RFX2: variants seen among roughly 807,000 people sequenced by gnomAD.
The protein encoded by RFX2 is regulatory factor X2, also known as DNA-binding protein RFX2.
RFX2 carries 20 observed loss-of-function variants against 87.8 expected under a neutral mutation model. The observed-to-expected ratio is 0.23, with a 90% confidence interval of 0.16 to 0.33. The LOEUF is 0.33. RFX2 is among the 10% of genes least tolerant of loss of function. The probability of loss-of-function intolerance (pLI) is 1.00; values close to 1 mark genes in which losing one functional copy is unlikely to be tolerated. For missense variants in RFX2, 767 were observed against 1,012.3 expected, an observed-to-expected ratio of 0.76 and a Z score of 3.29; for synonymous variants, 397 against 431.3, an observed-to-expected ratio of 0.92 and a Z score of 0.98.
chr19:6,054,269 C>T (rs558066028), intron 1 of RFX2, among the ~76,000 whole-genome samples: 1 of 152,222 alleles, frequency 6.6e-6, no homozygotes, highest in South Asian at 2.1e-4. Context: ...AACTTCCCTA[C>T]ACAGAAAACT....
At chr19:6,008,980 C>T (rs529293423) in intron 9 of RFX2, among the ~76,000 whole-genome samples, 20 of 152,234 alleles carry the variant, frequency 1.3e-4, no homozygotes, top group African/African-American at 4.8e-4. Flanking sequence ...GTGCCCAGTA[C>T]AGTCAGGGAA....
intron 1 of RFX2, among the ~76,000 whole-genome samples, chr19:6,085,355 G>A (rs1417869723): frequency 6.6e-6 from 1 of 152,194 alleles, no homozygotes; most frequent in African/African-American, 2.4e-5. Context: ...GTTTTGATTT[G>A]CATTTCTGCA....
At position 6,024,669 on chromosome 19, in the gene RFX2, C is replaced by T. The variant is rs149440105; in HGVS notation, c.597+1494G>A. Among the ~76,000 whole-genome samples the T allele has an allele frequency of 1.5e-3, 224 of 152,270 alleles. 1 individual carries two copies. The highest frequency in any genetic ancestry group is 2.7e-3 in the Non-Finnish European group (183 of 68,028). ...AGAATCACTCACTGCCTTTTGATAA[C>T]GCCTCATTTTACACATCGGCCAGCA... On this transcript the variant is annotated intron_variant, in intron 6 of 17. Coordinates refer to ENST00000303657, the MANE Select transcript of RFX2 (RefSeq NM_000635.4). This position sits in a 1 kb window ranked among gnomAD's most constrained non-coding sequence, Gnocchi z 5.0.
chr19:6,040,296 C>T lies in RFX2; in HGVS notation c.261-55G>A. On this transcript the variant is annotated intron_variant, in intron 4 of 17. Transcript: ENST00000303657. The surrounding 1 kb of genome is among the most constrained non-coding windows in gnomAD (Gnocchi z 6.1). ...ACGCTGTCCCATTTAAATGCCTTGT[C>T]TGAGTTCACAGATATCCAGCCAAAC... The T allele has an allele frequency of 1.4e-6, 2 of 1,474,682 alleles. No homozygotes were observed. Among genetic ancestry groups the T allele is most frequent in the Non-Finnish European group, 1.8e-6 (2 of 1,105,518 alleles). The allele number at this position is 1,474,682 out of a possible 1,614,324, so 91.3% of individuals were successfully genotyped here.
intron 1 of RFX2, among the ~76,000 whole-genome samples, chr19:6,096,895 G>A (rs902582902): frequency 2.0e-5 from 3 of 152,152 alleles, no homozygotes; most frequent in Non-Finnish European, 2.9e-5. Context: ...ATTGTTGAGG[G>A]CAGCTGGAAG....
At position 6,011,862 on chromosome 19, in the gene RFX2, GC is replaced by G. The variant is rs575435613; in HGVS notation, c.899+1123del. 1.8e-4 allele frequency among the ~76,000 whole-genome samples: 28 copies of G among 152,360 alleles called. No individual in the cohort carries two copies. The highest frequency in any genetic ancestry group is 5.2e-4 in the Admixed American group (8 of 15,308). On this transcript the variant is annotated intron_variant, in intron 8 of 17. Coordinates refer to ENST00000303657, the MANE Select transcript of RFX2 (RefSeq NM_000635.4). The surrounding 1 kb of genome is among the most constrained non-coding windows in gnomAD (Gnocchi z 4.8). ...GTGGGGCTATTGCAATGTGGCCCCT[GC>G]CCTCAGGGGGGGCACTTGTGGAGGC...
intron 5 of RFX2, among the ~76,000 whole-genome samples, chr19:6,036,221 T>C (rs1010181035): frequency 1.3e-5 from 2 of 152,178 alleles, no homozygotes; most frequent in African/African-American, 4.8e-5. Context: ...GGGAGAAGTA[T>C]GTCTGGTCTG....
intron 1 of RFX2, among the ~76,000 whole-genome samples, chr19:6,098,073 T>C (rs1354133131): frequency 6.6e-6 from 1 of 152,162 alleles, no homozygotes; most frequent in African/African-American, 2.4e-5. Flanking sequence ...TCACACAGCA[T>C]TGAACATTCT....
rs1211558202 is a variant in RFX2, at chr19:6,027,562, TG to T, written c.523-1326del. Among the ~76,000 whole-genome samples, 12 of 152,190 alleles carry T rather than the reference TG, an allele frequency of 7.9e-5. No homozygotes were observed. The highest frequency in any genetic ancestry group is 1.5e-4 in the Non-Finnish European group (10 of 68,024). On this transcript the variant is annotated intron_variant, in intron 5 of 17. Transcript: ENST00000303657. This position sits in a 1 kb window ranked among gnomAD's most constrained non-coding sequence, Gnocchi z 5.0. Reference sequence around the variant, plus strand: ...TTCCCTGTGGGACATCGCTCACCTATGGGTGCCGGGAGAGCAGAGTGCATGA... The same window carrying T: ...TTCCCTGTGGGACATCGCTCACCTATGGTGCCGGGAGAGCAGAGTGCATGA...
intron 13 of RFX2, among the ~76,000 whole-genome samples, chr19:6,003,484 A>G (rs543767700): frequency 6.6e-6 from 1 of 150,532 alleles, no homozygotes; most frequent in South Asian, 2.2e-4. Flanking sequence ...CCTTCAGGAA[A>G]TGCTCATGAT....
At chr19:6,104,700 C>A (rs2088184538) in intron 1 of RFX2, among the ~76,000 whole-genome samples, 1 of 152,160 alleles carries the variant, frequency 6.6e-6, no homozygotes, top group Admixed American at 6.5e-5. Context: ...AGCCACCACA[C>A]CCAATGCAGC....
rs780592022 is a variant in RFX2 at position 6,013,157 on chromosome 19, C to A, written c.780-52G>T. On this transcript the variant is annotated intron_variant, in intron 7 of 17. Transcript: ENST00000303657. The surrounding 1 kb of genome is among the most constrained non-coding windows in gnomAD (Gnocchi z 4.1). Reference sequence around the variant, plus strand: ...CTCCCTTTGCAGATGTCCTGAACAACAAGACAGGTTGGGATTCTTTTTCTT... The same window carrying A: ...CTCCCTTTGCAGATGTCCTGAACAAAAAGACAGGTTGGGATTCTTTTTCTT... 2 of 1,511,372 alleles carry A rather than the reference C, an allele frequency of 1.3e-6. No homozygotes were observed. The allele number at this position is 1,511,372 out of a possible 1,614,324, so 93.6% of individuals were successfully genotyped here.
intron 1 of RFX2, among the ~76,000 whole-genome samples, chr19:6,092,854 G>A (rs537871909): frequency 2.0e-5 from 3 of 152,210 alleles, no homozygotes; most frequent in South Asian, 2.1e-4. Context: ...CAAAGGGTCC[G>A]GGACCTGCTA....
rs551753993 is a variant in RFX2 at position 6,049,385 on chromosome 19, C to T, written c.-8-1881G>A. ...AAATAATTTTGCTCCAAACTCCAGA[C>T]CTTATTTAAGTAAGAAGAGGCCATG... is the stretch of plus-strand genomic sequence containing the variant. On this transcript the variant is annotated intron_variant, in intron 1 of 17. Coordinates refer to ENST00000303657, the MANE Select transcript of RFX2 (RefSeq NM_000635.4). 7.9e-5 allele frequency among the ~76,000 whole-genome samples: 12 copies of T among 152,276 alleles called. No homozygotes were observed. In the East Asian group the frequency reaches 1.7e-3, roughly 22 times the overall value.
intron 2 of RFX2, among the ~76,000 whole-genome samples, chr19:6,046,590 CTTTTGCCT>C (rs2087193631): frequency 1.7e-5 from 2 of 120,558 alleles, no homozygotes; most frequent in South Asian, 2.8e-4. Context: ...TCTAACTCAT[CTTTTGCCT>C]TTTTGCCTTT....
chr19:6,032,286 T>C (rs966627511), intron 5 of RFX2, among the ~76,000 whole-genome samples: 5 of 152,088 alleles, frequency 3.3e-5, no homozygotes, highest in African/African-American at 1.2e-4. Context: ...CCCGTCCAGC[T>C]AATTTTTTTG....
rs898255814 is a variant in RFX2, at chr19:6,039,943, T to C, written c.522+37A>G. 2.7e-6 allele frequency: 4 copies of C among 1,507,598 alleles called. No individual in the cohort carries two copies. The highest frequency in any genetic ancestry group is 2.8e-5 in the African/African-American group (2 of 72,196). 93.4% of individuals were successfully genotyped at this position (1,507,598 alleles called of 1,614,324 possible). A position where few individuals can be genotyped will look rare whatever the true frequency, so the allele number is the denominator to read the frequency against. On this transcript the variant is annotated intron_variant, in intron 5 of 17. Coordinates refer to ENST00000303657, the MANE Select transcript of RFX2 (RefSeq NM_000635.4). The surrounding 1 kb of genome is among the most constrained non-coding windows in gnomAD (Gnocchi z 5.2). ...GCTGCCGCTGCTTCGAGAATACTCATGGCCTACCCTGCTGGTCCCAAGAGC... is the reference window on the plus strand; with the variant it reads ...GCTGCCGCTGCTTCGAGAATACTCACGGCCTACCCTGCTGGTCCCAAGAGC...
intron 1 of RFX2, among the ~76,000 whole-genome samples, chr19:6,069,795 G>T (rs148719117): frequency 2.0e-5 from 3 of 152,280 alleles, no homozygotes; most frequent in African/African-American, 7.2e-5. Flanking sequence ...GAGCAGAACT[G>T]GAGACAGGAG....
At chr19:6,003,065 C>G (rs10416802) in intron 13 of RFX2, among the ~76,000 whole-genome samples, 195 bp from the exon 14 acceptor site, 1 of 152,124 alleles carries the variant, frequency 6.6e-6, no homozygotes, top group South Asian at 2.1e-4. Flanking sequence ...GAGACCTCGC[C>G]GGCACATCAC....
Sources: gnomAD v4.1 joint callset for allele counts (sites outside exome capture counted in the v4.1 genomes callset) on GRCh38, gnomAD v4.1.1 for gene constraint, Gnocchi (gnomAD v3.1) non-coding constraint, MANE v1.5 for transcripts, NCBI Gene and HGNC (gene_info 2026-07-23, HGNC 2026-07-21) for gene names.